GRIN2A: variants seen among roughly 807,000 people sequenced by gnomAD.
GRIN2A encodes glutamate ionotropic receptor NMDA type subunit 2A, also known as glutamate receptor ionotropic, NMDA 2A.
Under a neutral mutation model 113.4 loss-of-function variants are expected in GRIN2A, and 22 were observed. The ratio of observed to expected loss-of-function variants is 0.19; its 90% confidence interval spans 0.14 to 0.28. The LOEUF (loss-of-function observed/expected upper bound fraction) is 0.28, where lower values mean the gene tolerates loss of function less well. Ranked by LOEUF, GRIN2A falls within the 10% of genes least tolerant of loss-of-function variation. The pLI is 1.00. For missense variants in GRIN2A, 1,502 were observed against 1,887.0 expected, an observed-to-expected ratio of 0.80 and a Z score of 3.78; for synonymous variants, 827 against 738.4, an observed-to-expected ratio of 1.12 and a Z score of -1.94.
chr16:9,786,319 T>G (rs2141195941), intron 11 of GRIN2A, among the ~76,000 whole-genome samples: 1 of 152,322 alleles, frequency 6.6e-6, no homozygotes, highest in Non-Finnish European at 1.5e-5. Context: ...CATCTCCTGC[T>G]TCTGGGTCCT....
intron 2 of GRIN2A, among the ~76,000 whole-genome samples, chr16:10,028,875 AC>A (rs2046872865): frequency 6.6e-6 from 1 of 152,212 alleles, no homozygotes; most frequent in Non-Finnish European, 1.5e-5. Flanking sequence ...ACAAAAACAA[AC>A]AAGGGCCCAA....
At chr16:9,993,164 C>A (rs532473461) in intron 2 of GRIN2A, among the ~76,000 whole-genome samples, 1 of 151,924 alleles carries the variant, frequency 6.6e-6, no homozygotes, top group Non-Finnish European at 1.5e-5. Context: ...ACCCTAGAGG[C>A]AGAGGTTGCA....
chr16:9,755,346 C>T lies in GRIN2A; in HGVS notation c.*7803G>A, dbSNP rs1900310083. ...TTTGGAGTGCTCCATTTCTGCATAG[C>T]TCAACATTCCAAGGAGAACATGGTC... On this transcript the variant is annotated 3_prime_UTR_variant, in exon 13 of 13. Coordinates refer to ENST00000330684, the MANE Select transcript of GRIN2A (RefSeq NM_001134407.3). The T allele has an allele frequency of 5.4e-6, 1 of 186,750 alleles. No homozygotes were observed. The highest frequency in any genetic ancestry group is 8.6e-5 in the East Asian group (1 of 11,668). The allele number at this position is 186,750 out of a possible 1,614,324, so 11.6% of individuals were successfully genotyped here. A position where few individuals can be genotyped will look rare whatever the true frequency, so the allele number is the denominator to read the frequency against.
chr16:10,089,301 A>G (rs2048141260), intron 2 of GRIN2A, among the ~76,000 whole-genome samples: 1 of 152,172 alleles, frequency 6.6e-6, no homozygotes, highest in African/African-American at 2.4e-5. Flanking sequence ...GTACTCCTTG[A>G]TTTTGGTGAT....
chr16:10,006,327 C>T (rs748760353), intron 2 of GRIN2A, among the ~76,000 whole-genome samples: 7 of 152,104 alleles, frequency 4.6e-5, no homozygotes, highest in African/African-American at 7.2e-5. Flanking sequence ...ACAACCAAAA[C>T]GACTTTTTTA....
intron 3 of GRIN2A, among the ~76,000 whole-genome samples, chr16:9,915,861 A>T (rs1003793971): frequency 2.0e-5 from 3 of 152,224 alleles, no homozygotes; most frequent in African/African-American, 7.2e-5. Context: ...TGTGAGAATT[A>T]GATTGATTAA....
intron 4 of GRIN2A, among the ~76,000 whole-genome samples, chr16:9,877,405 C>T (rs974306575): frequency 1.3e-5 from 2 of 152,122 alleles, no homozygotes; most frequent in African/African-American, 4.8e-5. Flanking sequence ...TGAACCTCAA[C>T]ATAACATACC....
chr16:9,871,697 G>A (rs77473744), intron 4 of GRIN2A, among the ~76,000 whole-genome samples: 6,219 of 152,188 alleles, frequency 0.041, 156 homozygotes, highest in African/African-American at 0.072. Flanking sequence ...ACCATTTGGG[G>A]TTGTAGTGAA....
rs1900577520 is a variant in GRIN2A, at chr16:9,761,432, C to T, written c.*1717G>A. The T allele has an allele frequency of 4.3e-6, 1 of 231,052 alleles. No individual in the cohort carries two copies. Among genetic ancestry groups the T allele is most frequent in the African/African-American group, 2.2e-5 (1 of 45,140 alleles). The allele number at this position is 231,052 out of a possible 1,614,324, so 14.3% of individuals were successfully genotyped here. A position where few individuals can be genotyped will look rare whatever the true frequency, so the allele number is the denominator to read the frequency against. On this transcript the variant is annotated 3_prime_UTR_variant, in exon 13 of 13. Transcript: ENST00000330684. ...ATTAGCTTAGTGTTTCCGTAATGGC[C>T]CAAAACAGACTGAGGTCTTCTGCAA...
At chr16:9,946,744 CT>C (rs1202784464) in intron 2 of GRIN2A, among the ~76,000 whole-genome samples, 1 of 152,214 alleles carries the variant, frequency 6.6e-6, no homozygotes, top group Non-Finnish European at 1.5e-5. Context: ...AAGACAGCTT[CT>C]TTTACTGTTA....
chr16:10,155,615 T>C (rs538070060), intron 2 of GRIN2A, among the ~76,000 whole-genome samples: 3 of 152,220 alleles, frequency 2.0e-5, no homozygotes, highest in Non-Finnish European at 4.4e-5. Context: ...TCTGTATTAG[T>C]CTGTTCTCAC....
chr16:10,179,878 T>TCCCCCCCC, intron 2 of GRIN2A, 120 bp downstream of exon 2: 4 of 443,684 alleles, frequency 9.0e-6, no homozygotes, highest in Admixed American at 2.5e-5. Flanking sequence ...GCCACGACCC[T>TCCCCCCCC]CCCACCCCCA....
At chr16:10,015,252 C>CAAAAAAAAAAAAAAAAAAAAAAAAAAA (rs200124835) in intron 2 of GRIN2A, among the ~76,000 whole-genome samples, 8 of 19,304 alleles carry the variant, frequency 4.1e-4, no homozygotes, top group Admixed American at 8.7e-4. Flanking sequence ...GACTTCATCT[C>CAAAAAAAAAAAAAAAAAAAAAAAAAAA]AAAAAAAAAA....
At chr16:9,773,363 G>A (rs1319825956) in intron 11 of GRIN2A, among the ~76,000 whole-genome samples, 2 of 152,152 alleles carry the variant, frequency 1.3e-5, no homozygotes, top group Non-Finnish European at 2.9e-5. Context: ...GTAGGGTGAA[G>A]CATCAAATGT....
intron 2 of GRIN2A, among the ~76,000 whole-genome samples, chr16:10,035,437 G>T (rs1461999004): frequency 2.0e-5 from 3 of 152,014 alleles, no homozygotes; most frequent in Non-Finnish European, 2.9e-5. Flanking sequence ...ATATCTCCCT[G>T]CCTCTGCTCC....
chr16:9,823,199 G>C (rs1359063853), intron 9 of GRIN2A, among the ~76,000 whole-genome samples: 1 of 132,182 alleles, frequency 7.6e-6, no homozygotes. Flanking sequence ...TGTTTCAGGT[G>C]ACTCAATGAG....
At chr16:9,766,384 T>G (rs746743340) in intron 12 of GRIN2A, among the ~76,000 whole-genome samples, 2 of 152,106 alleles carry the variant, frequency 1.3e-5, no homozygotes, top group African/African-American at 2.4e-5. Flanking sequence ...GTAGACAGTC[T>G]CTCCACTCCA....
intron 3 of GRIN2A, among the ~76,000 whole-genome samples, chr16:9,936,308 C>T (rs954719975): frequency 3.3e-5 from 5 of 152,202 alleles, no homozygotes; most frequent in African/African-American, 1.2e-4. Flanking sequence ...CTGATGCCTG[C>T]TGAGGCTTGA....
chr16:10,005,835 A>G (rs1342410089), intron 2 of GRIN2A, among the ~76,000 whole-genome samples: 2 of 152,242 alleles, frequency 1.3e-5, no homozygotes, highest in African/African-American at 4.8e-5. Flanking sequence ...TCATCCAGTG[A>G]AATGACATGA....
Sources: gnomAD v4.1 joint callset for allele counts (sites outside exome capture counted in the v4.1 genomes callset) on GRCh38, gnomAD v4.1.1 for gene constraint, MANE v1.5 for transcripts, NCBI Gene and HGNC (gene_info 2026-07-23, HGNC 2026-07-21) for gene names.